The following TRIM29 variants were observed in gnomAD, a reference collection of about 807,000 sequenced individuals.
TRIM29 encodes tripartite motif-containing protein 29.
A neutral mutation model predicts 57.3 loss-of-function variants in TRIM29; 52 were observed. The ratio of observed to expected loss-of-function variants is 0.91; its 90% confidence interval spans 0.73 to 1.14. The LOEUF (loss-of-function observed/expected upper bound fraction) is 1.14, where lower values mean the gene tolerates loss of function less well. Ranked by LOEUF, TRIM29 falls within the 50% of genes most tolerant of loss-of-function variation. The pLI is 0.00. For missense variants in TRIM29, 753 were observed against 774.6 expected (o/e 0.97, Z 0.33); for synonymous variants, 319 against 316.9 (o/e 1.01, Z -0.07).
Position 120,112,271 on chromosome 11 carries a change from C to T in TRIM29, c.*143G>A. ...AAGTCGGAGAGGCCGGAACTGCCCC[C>T]AAGAGGCTGGCAGAGGGCTGCAGAG... On this transcript the variant is annotated 3_prime_UTR_variant, in exon 9 of 9. Coordinates refer to ENST00000341846, the MANE Select transcript of TRIM29 (RefSeq NM_012101.4). The T allele has an allele frequency of 4.3e-6, 4 of 934,356 alleles. No homozygotes were observed. Among genetic ancestry groups the T allele is most frequent in the Non-Finnish European group, 6.5e-6 (4 of 619,506 alleles). 57.9% of individuals were successfully genotyped at this position (934,356 alleles called of 1,614,324 possible).
chr11:120,128,636 A>G (rs1178065359), intron 1 of TRIM29, 141 bp from the exon 2 acceptor site: 8 of 1,526,094 alleles, frequency 5.2e-6, no homozygotes, highest in Admixed American at 2.0e-5. Context: ...TTCAGCAAAC[A>G]TTCATCAGGA....
chr11:120,113,195 C>T (rs1047328838), intron 8 of TRIM29, among the ~76,000 whole-genome samples: 3 of 152,200 alleles, frequency 2.0e-5, no homozygotes, highest in Non-Finnish European at 4.4e-5. Flanking sequence ...TTGCCTCTCT[C>T]GTCCTGTTCC....
Position 120,137,390 on chromosome 11 carries a change from G to T in TRIM29, c.642C>A (p.Leu214=). 1 of 1,612,928 alleles carries T rather than the reference G, an allele frequency of 6.2e-7. No homozygotes were observed. The change falls in exon 1 of 9, where the codon CTC becomes CTA. Residue 214 remains leucine (L), a synonymous_variant. Coordinates refer to ENST00000341846, the MANE Select transcript of TRIM29 (RefSeq NM_012101.4). This position sits in a 1 kb window ranked among gnomAD's most constrained non-coding sequence, Gnocchi z 6.2. ...GGGCCTCAAAGTCCCGGATGGGCTCGAGCAGCTGGTGGTCTCGGAAGGCGG... is the reference window on the plus strand; with the variant it reads ...GGGCCTCAAAGTCCCGGATGGGCTCTAGCAGCTGGTGGTCTCGGAAGGCGG... The part of the protein sequence containing the change: ...EGAAFRDHQL[L]EPIRDFEARK...
At chr11:120,118,956 T>C (rs1863359569) in intron 6 of TRIM29, 1 of 152,410 alleles carries the variant, frequency 6.6e-6, no homozygotes, top group African/African-American at 2.4e-5. Context: ...ACTGGGAATG[T>C]GCCTGTCTGG....
At position 120,118,640 on chromosome 11, in the gene TRIM29, C is replaced by A. The variant is rs1220109148; in HGVS notation, c.1529-319G>T. Among the ~76,000 whole-genome samples the A allele has an allele frequency of 6.3e-5, 9 of 142,572 alleles. No individual in the cohort carries two copies. The South Asian group carries it at 2.0e-3, about 32-fold the overall frequency. 93.5% of individuals were successfully genotyped at this position (142,572 alleles called of 152,430 possible). On this transcript the variant is annotated intron_variant, in intron 6 of 8. Coordinates refer to ENST00000341846, the MANE Select transcript of TRIM29 (RefSeq NM_012101.4). ...ACCACCCACCCACCATCTCCCACTT[C>A]TTGACTTCACCTCTGCCCTCCCTCC...
chr11:120,126,269 T>C (rs1440965993), intron 3 of TRIM29: 1 of 169,478 alleles, frequency 5.9e-6, no homozygotes, highest in East Asian at 1.7e-4. Context: ...TTTTTTTTTT[T>C]TTTGAGGCGA....
At chr11:120,119,310 C>T (rs1235991334) in intron 6 of TRIM29, among the ~76,000 whole-genome samples, 2 of 152,144 alleles carry the variant, frequency 1.3e-5, no homozygotes, top group African/African-American at 4.8e-5. Flanking sequence ...CAGTGACCTC[C>T]TTAGTCAAGC....
chr11:120,137,736 A>G lies in TRIM29; in HGVS notation c.296T>C (p.Met99Thr). Residue 99 changes from methionine (M) to threonine (T), a missense_variant, in exon 1 of 9, where the codon ATG becomes ACG. By Grantham distance (81) the Met-to-Thr change is moderately conservative (BLOSUM62 -1). Transcript: ENST00000341846. This position sits in a 1 kb window ranked among gnomAD's most constrained non-coding sequence, Gnocchi z 6.2. ...TGCGTACGGCGACCTCTTGCCTTCC[A>G]TAGAGTCCATGCTGAAGTAGTTGGA... ...KNSNYFSMDSMEGKRSPYAGL... is the reference protein window; with the variant it reads ...KNSNYFSMDSTEGKRSPYAGL... 1.9e-6 allele frequency: 3 copies of G among 1,612,446 alleles called. No homozygotes were observed. Among genetic ancestry groups the G allele is most frequent in the South Asian group, 2.2e-5 (2 of 91,068 alleles).
intron 3 of TRIM29, chr11:120,126,258 CTTT>C (rs35133292): frequency 3.1e-4 from 48 of 152,700 alleles, no homozygotes; most frequent in Admixed American, 8.4e-4. Context: ...TTCTTTCTTT[CTTT>C]TTTTTTTTTT....
chr11:120,128,715 A>G (rs1251283629), intron 1 of TRIM29: 2 of 1,535,564 alleles, frequency 1.3e-6, no homozygotes, highest in Admixed American at 3.9e-5. Context: ...ATCTTGCTGT[A>G]TTCTCAGGCC....
Position 120,137,152 on chromosome 11 carries a change from G to A in TRIM29, c.804+76C>T. 6.6e-7 allele frequency: 1 copy of A among 1,526,340 alleles called. No individual in the cohort carries two copies. The highest frequency in any genetic ancestry group is 8.9e-7 in the Non-Finnish European group (1 of 1,118,066). The allele number at this position is 1,526,340 out of a possible 1,614,324, so 94.5% of individuals were successfully genotyped here. On this transcript the variant is annotated intron_variant, in intron 1 of 8. Transcript: ENST00000341846. This position sits in a 1 kb window ranked among gnomAD's most constrained non-coding sequence, Gnocchi z 6.2. ...AAGCCCCAAACCCGAGGAAGCCCGA[G>A]TGGAGAAGATGAAGTTCGGAGGGGT...
At chr11:120,123,198 G>T in intron 4 of TRIM29, 143 bp from the exon 5 acceptor site, 1 of 716,596 alleles carries the variant, frequency 1.4e-6, no homozygotes, top group Non-Finnish European at 2.5e-6. Flanking sequence ...ACCTCTCAGA[G>T]AATATGACGC....
At chr11:120,127,715 T>G in intron 2 of TRIM29, 146 bp from the exon 3 acceptor site, 1 of 712,450 alleles carries the variant, frequency 1.4e-6, no homozygotes, top group Non-Finnish European at 2.3e-6. Context: ...GCCAAGAATC[T>G]CATTCAAAGG....
At chr11:120,119,062 T>C (rs1863362527) in intron 6 of TRIM29, among the ~76,000 whole-genome samples, 1 of 152,174 alleles carries the variant, frequency 6.6e-6, no homozygotes, top group Non-Finnish European at 1.5e-5. Flanking sequence ...AACGAACGAA[T>C]GAATACAAAC....
intron 4 of TRIM29, chr11:120,123,288 C>T (rs1382041256): frequency 1.5e-6 from 1 of 680,044 alleles, no homozygotes; most frequent in South Asian, 1.5e-5. Flanking sequence ...TTGAACTAAG[C>T]CCTTGTAAAT....
intron 3 of TRIM29, among the ~76,000 whole-genome samples, chr11:120,126,655 C>T (rs1238930150): frequency 6.6e-6 from 1 of 152,172 alleles, no homozygotes; most frequent in African/African-American, 2.4e-5. Context: ...TAACCGGCCT[C>T]CAAGACCCAG....
chr11:120,134,109 A>C (rs1863771122), intron 1 of TRIM29, among the ~76,000 whole-genome samples: 1 of 152,224 alleles, frequency 6.6e-6, no homozygotes, highest in African/African-American at 2.4e-5. Context: ...GTTCAGTGGC[A>C]GAGGGGAAGA....
chr11:120,122,143 T>A (rs1421908045), intron 5 of TRIM29: 5 of 285,524 alleles, frequency 1.8e-5, no homozygotes, highest in Non-Finnish European at 2.8e-5. Context: ...TGTGTGTGTG[T>A]GTGTGTGTGT....
At chr11:120,113,728 G>C (rs1332919772) in intron 8 of TRIM29, 1 of 455,848 alleles carries the variant, frequency 2.2e-6, no homozygotes, top group East Asian at 7.0e-5. Context: ...GCAGAGCCTG[G>C]ACCAGGTCTC....
Sources: allele counts gnomAD v4.1 joint callset (sites outside exome capture counted in the v4.1 genomes callset), GRCh38; gene constraint gnomAD v4.1.1; non-coding constraint Gnocchi (gnomAD v3.1); transcripts MANE v1.5; gene names NCBI Gene and HGNC (gene_info 2026-07-23, HGNC 2026-07-21).